The following CABIN1 variants were observed in gnomAD, a reference collection of about 807,000 sequenced individuals.
The protein encoded by CABIN1 is calcineurin-binding protein cabin-1.
CABIN1 carries 133 observed loss-of-function variants against 227.7 expected under a neutral mutation model. The ratio of observed to expected loss-of-function variants is 0.58; its 90% confidence interval spans 0.51 to 0.67. The LOEUF (loss-of-function observed/expected upper bound fraction) is 0.67. CABIN1 is among the 30% of genes least tolerant of loss of function. CABIN1 has a pLI of 0.00. For missense variants in CABIN1, 2,408 were observed against 2,852.5 expected, an observed-to-expected ratio of 0.84 and a Z score of 3.55; for synonymous variants, 1,086 against 1,155.1, an observed-to-expected ratio of 0.94 and a Z score of 1.21.
At chr22:24,137,145 TC>T (rs1195927635) in intron 29 of CABIN1, among the ~76,000 whole-genome samples, 3 of 152,112 alleles carry the variant, frequency 2.0e-5, no homozygotes, top group Non-Finnish European at 4.4e-5. Context: ...ATAGTTTCCC[TC>T]CCTCCCTCTC....
intron 11 of CABIN1, 26 bp downstream of exon 11, chr22:24,059,389 C>G (rs2039031284): frequency 6.8e-6 from 11 of 1,613,414 alleles, no homozygotes; most frequent in Non-Finnish European, 9.3e-6. Context: ...TGTGACCATT[C>G]ACTTTGGGAA....
At chr22:24,045,883 A>G (rs1485164718) in intron 6 of CABIN1, among the ~76,000 whole-genome samples, 1 of 152,174 alleles carries the variant, frequency 6.6e-6, no homozygotes, top group African/African-American at 2.4e-5. Context: ...CTCCATAACC[A>G]CTTTTTAAAT....
At chr22:24,122,445 C>T (rs537174333) in intron 28 of CABIN1, among the ~76,000 whole-genome samples, 20 of 152,138 alleles carry the variant, frequency 1.3e-4, no homozygotes, top group African/African-American at 3.4e-4. Context: ...CGGTGGTTCA[C>T]GCCTGTAATC....
intron 3 of CABIN1, among the ~76,000 whole-genome samples, chr22:24,037,276 A>G (rs1237008227): frequency 6.6e-6 from 1 of 151,452 alleles, no homozygotes; most frequent in East Asian, 2.0e-4. Flanking sequence ...AAAAAAAAAA[A>G]AAGAAAAGAA....
chr22:24,144,569 TAGATGG>T (rs1355817486), intron 29 of CABIN1, among the ~76,000 whole-genome samples: 2 of 152,252 alleles, frequency 1.3e-5, no homozygotes, highest in Non-Finnish European at 2.9e-5. Context: ...AGGCCTGTGG[TAGATGG>T]GAAGATCATG....
At chr22:24,044,904 C>T (rs887986609) in intron 6 of CABIN1, among the ~76,000 whole-genome samples, 3 of 150,712 alleles carry the variant, frequency 2.0e-5, no homozygotes, top group Non-Finnish European at 4.4e-5. Context: ...TCTCTTCTTT[C>T]TGAGCCCTCA....
intron 28 of CABIN1, among the ~76,000 whole-genome samples, chr22:24,133,882 G>C (rs546350465): frequency 2.6e-3 from 400 of 152,306 alleles, no homozygotes; most frequent in African/African-American, 9.0e-3. Flanking sequence ...CCAGCCCTCC[G>C]AGCCTAAAGC....
chr22:24,052,884 A>T (rs572162141), intron 8 of CABIN1, among the ~76,000 whole-genome samples: 8 of 152,114 alleles, frequency 5.3e-5, no homozygotes, highest in African/African-American at 1.7e-4. Context: ...GAGCAAGAGC[A>T]AGGCACGAGT....
intron 3 of CABIN1, among the ~76,000 whole-genome samples, chr22:24,037,496 G>C (rs1345802795): frequency 2.6e-5 from 4 of 151,806 alleles, no homozygotes; most frequent in Non-Finnish European, 4.4e-5. Flanking sequence ...TGTAGAGACA[G>C]GGGTCTCTCT....
intron 24 of CABIN1, 122 bp downstream of exon 24, chr22:24,091,965 G>C (rs2041574780): frequency 4.3e-6 from 5 of 1,170,148 alleles, no homozygotes; most frequent in Non-Finnish European, 4.9e-6. Context: ...ACTTATCTGT[G>C]TTGAGCAGCT....
intron 19 of CABIN1, 42 bp downstream of exon 19, chr22:24,076,326 A>G (rs965552593): frequency 2.0e-6 from 3 of 1,519,356 alleles, no homozygotes; most frequent in Middle Eastern, 1.7e-4. Flanking sequence ...AGTGCGGGGC[A>G]GGGCTGGGGT....
In CABIN1 at chr22:24,038,475, A is replaced by C. The variant is rs1473298441; in HGVS notation, c.210+14A>C. On this transcript the variant is annotated intron_variant, in intron 4 of 36. Coordinates refer to ENST00000263119, the MANE Select transcript of CABIN1 (RefSeq NM_012295.4). ...CTGCTGCGGGAGGTGAGGCATCAGC[A>C]GGCCAGGCAGTGTGCCGTGGTGGTT... 6.3e-7 allele frequency: 1 copy of C among 1,592,698 alleles called. No homozygotes were observed. The highest frequency in any genetic ancestry group is 8.6e-7 in the Non-Finnish European group (1 of 1,161,596).
chr22:24,127,557 A>G (rs745546633), intron 28 of CABIN1, among the ~76,000 whole-genome samples: 29 of 152,214 alleles, frequency 1.9e-4, no homozygotes, highest in Non-Finnish European at 3.7e-4. Context: ...TAGAGGACAT[A>G]ATACTAAGTG....
intron 5 of CABIN1, 86 bp from the exon 6 acceptor site, chr22:24,042,818 C>CTGTGTGTTTGTGTGTGTG: frequency 1.5e-6 from 1 of 685,056 alleles, no homozygotes; most frequent in Admixed American, 3.2e-5. Flanking sequence ...AGAGATCTGA[C>CTGTGTGTTTGTGTGTGTG]TGTGTGTGTG....
intron 31 of CABIN1, 53 bp downstream of exon 31, chr22:24,165,679 C>G (rs2046404831): frequency 6.8e-7 from 1 of 1,479,618 alleles, no homozygotes; most frequent in South Asian, 1.2e-5. Flanking sequence ...CGCTTCCAAG[C>G]CCTTCCCAGG....
In CABIN1 at chr22:24,091,774, G is replaced by A. The variant is rs765343673; in HGVS notation, c.3717G>A (p.Glu1239=). The change falls in exon 24 of 37, where the codon GAG becomes GAA. Residue 1239 remains glutamate, a synonymous_variant. Coordinates refer to ENST00000263119, the MANE Select transcript of CABIN1 (RefSeq NM_012295.4). ...GGCAGGCTGGCCACTACCTGCACGA[G>A]GAGGCTGCCCGCTACCCCAAGAAGA... ...HYRQAGHYLH[E]EAARYPKKIH... is the part of the protein sequence containing the mutation. The A allele has an allele frequency of 3.2e-5, 52 of 1,613,972 alleles. No individual in the cohort carries two copies. Among genetic ancestry groups the A allele is most frequent in the Non-Finnish European group, 4.4e-5 (52 of 1,179,976 alleles).
At chr22:24,070,075 A>C (rs2039980073) in intron 16 of CABIN1, among the ~76,000 whole-genome samples, 1 of 152,190 alleles carries the variant, frequency 6.6e-6, no homozygotes, top group East Asian at 1.9e-4. Context: ...CAAAAAAAAA[A>C]AAAAAGGAGC....
intron 30 of CABIN1, among the ~76,000 whole-genome samples, 162 bp from the exon 31 acceptor site, chr22:24,165,366 CAG>C (rs764796488): frequency 5.9e-5 from 9 of 152,204 alleles, no homozygotes; most frequent in Non-Finnish European, 1.3e-4. Flanking sequence ...AGAGGGAGCT[CAG>C]GGGAAGCTTC....
At chr22:24,139,941 T>G (rs2044652633) in intron 29 of CABIN1, among the ~76,000 whole-genome samples, 1 of 152,258 alleles carries the variant, frequency 6.6e-6, no homozygotes, top group African/African-American at 2.4e-5. Flanking sequence ...CACAGGATGC[T>G]CAAGGCTGAC....
Sources: allele counts gnomAD v4.1 joint callset (sites outside exome capture counted in the v4.1 genomes callset), GRCh38; gene constraint gnomAD v4.1.1; transcripts MANE v1.5; gene names NCBI Gene and HGNC (gene_info 2026-07-23, HGNC 2026-07-21).